ALDH1A2: variants seen among roughly 807,000 people sequenced by gnomAD.
ALDH1A2 encodes the protein aldehyde dehydrogenase 1 family member A2.
In ALDH1A2, 27 loss-of-function variants were observed where a neutral mutation model predicts 60.3. That is an observed-to-expected ratio of 0.45 (90% CI 0.33 to 0.62). ALDH1A2 has a LOEUF of 0.62. Among genes scored for constraint, ALDH1A2 ranks in the 20% least tolerant of loss-of-function variants. The probability of loss-of-function intolerance (pLI) is 0.02; values close to 1 mark genes in which losing one functional copy is unlikely to be tolerated. For synonymous variants in ALDH1A2, 289 were observed against 232.4 expected (o/e 1.24, Z -2.21); for missense variants, 581 against 643.8 (o/e 0.90, Z 1.06).
intron 9 of ALDH1A2, among the ~76,000 whole-genome samples, chr15:57,963,347 CTTTTTTT>C (rs67005556): frequency 1.5e-5 from 2 of 137,538 alleles, no homozygotes; most frequent in East Asian, 4.2e-4. Flanking sequence ...TCAGAATATT[CTTTTTTT>C]TTTTTTTTTG....
chr15:57,962,188 A>G lies in ALDH1A2; in HGVS notation c.1087-12T>C, dbSNP rs765170691. The G allele has an allele frequency of 4.3e-6, 7 of 1,613,628 alleles. No individual in the cohort carries two copies. In the East Asian group the frequency reaches 1.3e-4, roughly 31 times the overall value. On this transcript the variant is annotated splice_polypyrimidine_tract_variant and intron_variant, in intron 9 of 12. Transcript: ENST00000249750. ...TGTTTCTTATCAATCTGTGGGAGAC[A>G]AGACTTAATGACTCCAAATATAACC... is the stretch of plus-strand genomic sequence containing the variant.
At position 58,034,760 on chromosome 15, in the gene ALDH1A2, A is replaced by T. The variant is rs143757377; in HGVS notation, c.118-20479T>A. Among the ~76,000 whole-genome samples the T allele has an allele frequency of 2.6e-3, 401 of 151,784 alleles. 4 individuals are homozygous for T. Among genetic ancestry groups the T allele is most frequent in the Non-Finnish European group, 1.8e-3 (124 of 67,722 alleles). On this transcript the variant is annotated intron_variant, in intron 1 of 12. Transcript: ENST00000249750. ...TTTTTTCTTTGTCAGCCCATTGATA[A>T]GACAGACTACATTAATTGAATTTTG...
chr15:57,999,900 C>A (rs1895202549), intron 4 of ALDH1A2, among the ~76,000 whole-genome samples: 1 of 152,002 alleles, frequency 6.6e-6, no homozygotes, highest in African/African-American at 2.4e-5. Flanking sequence ...GGAATGGGAT[C>A]ATGACCTTTG....
chr15:58,036,310 A>G (rs1197468736), intron 1 of ALDH1A2, among the ~76,000 whole-genome samples: 4 of 151,712 alleles, frequency 2.6e-5, no homozygotes, highest in African/African-American at 7.2e-5. Context: ...ATACACACAA[A>G]CACATATTCA....
At chr15:58,032,611 G>A (rs1170954665) in intron 1 of ALDH1A2, among the ~76,000 whole-genome samples, 6 of 152,164 alleles carry the variant, frequency 3.9e-5, no homozygotes, top group African/African-American at 1.2e-4. Flanking sequence ...ATGGAAAACA[G>A]TGTATGTGGA....
Position 58,010,841 on chromosome 15 carries a change from T to C in ALDH1A2, c.364-63A>G, listed in dbSNP as rs34525130. 1,485 of 1,593,012 alleles carry C rather than the reference T, an allele frequency of 9.3e-4. 11 individuals are homozygous for C. In the African/African-American group the frequency reaches 0.018, roughly 19 times the overall value. On this transcript the variant is annotated intron_variant, in intron 3 of 12. Transcript: ENST00000249750. ...AACTTTCCAGCGATACACTAATTTCTAGAGCAGAAGAAAAAAGGAAGAGAG... is the reference window on the plus strand; with the variant it reads ...AACTTTCCAGCGATACACTAATTTCCAGAGCAGAAGAAAAAAGGAAGAGAG...
intron 1 of ALDH1A2, among the ~76,000 whole-genome samples, chr15:58,060,643 G>C (rs551871303): frequency 2.0e-5 from 3 of 152,046 alleles, no homozygotes; most frequent in Admixed American, 2.0e-4. Flanking sequence ...GGAAGGGCAT[G>C]CAAGTTTTTT....
intron 12 of ALDH1A2, 36 bp from the exon 13 acceptor site, chr15:57,955,305 A>C (rs781155084): frequency 6.2e-7 from 1 of 1,610,974 alleles, no homozygotes; most frequent in African/African-American, 1.3e-5. Context: ...AGATACCAGA[A>C]GTCCAGGGAG....
At chr15:58,011,862 T>G (rs1895643597) in intron 3 of ALDH1A2, among the ~76,000 whole-genome samples, 1 of 151,536 alleles carries the variant, frequency 6.6e-6, no homozygotes, top group Non-Finnish European at 1.5e-5. Flanking sequence ...TCTATACAGC[T>G]AGCATAGCAC....
chr15:57,980,329 G>C, intron 7 of ALDH1A2: 1 of 431,696 alleles, frequency 2.3e-6, no homozygotes, highest in South Asian at 2.0e-5. Context: ...TGTTGGCCTT[G>C]AACAGGTCCA....
Position 57,958,214 on chromosome 15 carries a change from G to GCACACACACACGCACGCACACA in ALDH1A2, c.1484+2555_1484+2556insTGTGTGCGTGCGTGTGTGTGTG, listed in dbSNP as rs1555398332. Reference sequence around the variant, plus strand: ...TCTGTATGCATGCGTGTACACGCACGCACACACACACATAAATTTGACAAG... The same window carrying GCACACACACACGCACGCACACA: ...TCTGTATGCATGCGTGTACACGCACGCACACACACACGCACGCACACACACACACACACATAAATTTGACAAG... On this transcript the variant is annotated intron_variant, in intron 12 of 12. Transcript: ENST00000249750. 9.2e-3 allele frequency among the ~76,000 whole-genome samples: 1,396 copies of GCACACACACACGCACGCACACA among 151,812 alleles called. 19 individuals carry two copies. Among genetic ancestry groups the GCACACACACACGCACGCACACA allele is most frequent in the African/African-American group, 0.031 (1,303 of 41,432 alleles).
At chr15:57,981,059 G>GA (rs1399214963) in intron 7 of ALDH1A2, among the ~76,000 whole-genome samples, 1 of 152,110 alleles carries the variant, frequency 6.6e-6, no homozygotes, top group East Asian at 1.9e-4. Context: ...GATCCGTGGT[G>GA]ATAACCCCTT....
chr15:57,959,305 C>G (rs1276646063), intron 12 of ALDH1A2, among the ~76,000 whole-genome samples: 1 of 152,120 alleles, frequency 6.6e-6, no homozygotes, highest in Non-Finnish European at 1.5e-5. Context: ...CGGAATGCAT[C>G]TTGAAAAGTG....
At chr15:58,045,445 G>T (rs1016198781) in intron 1 of ALDH1A2, among the ~76,000 whole-genome samples, 6 of 152,040 alleles carry the variant, frequency 3.9e-5, no homozygotes, top group Admixed American at 2.0e-4. Flanking sequence ...ACACGCACAC[G>T]TATGTTTATT....
intron 1 of ALDH1A2, among the ~76,000 whole-genome samples, chr15:58,035,520 A>T (rs893224155): frequency 1.1e-4 from 17 of 151,626 alleles, no homozygotes; most frequent in African/African-American, 4.1e-4. Context: ...AAAAAAGCTT[A>T]GACTATTTCT....
At chr15:58,054,567 C>T (rs1441783369) in intron 1 of ALDH1A2, among the ~76,000 whole-genome samples, 2 of 152,034 alleles carry the variant, frequency 1.3e-5, no homozygotes, top group East Asian at 1.9e-4. Flanking sequence ...CAAGATGGAA[C>T]ATACCCACCC....
At chr15:57,980,046 G>T (rs1368121616) in intron 7 of ALDH1A2, 1 of 323,184 alleles carries the variant, frequency 3.1e-6, no homozygotes. Flanking sequence ...AGTGGTCCAT[G>T]GGGGGGCAGG....
chr15:58,034,651 T>C (rs936238587), intron 1 of ALDH1A2, among the ~76,000 whole-genome samples: 1 of 151,686 alleles, frequency 6.6e-6, no homozygotes. Flanking sequence ...TTCATAATTT[T>C]TGAGAGTCTT....
chr15:58,012,404 C>T (rs879531192), intron 3 of ALDH1A2, among the ~76,000 whole-genome samples: 12 of 152,150 alleles, frequency 7.9e-5, no homozygotes, highest in Non-Finnish European at 1.3e-4. Context: ...AAATGATAAT[C>T]CAGTGAAAAG....
Sources: gnomAD v4.1 joint callset for allele counts (sites outside exome capture counted in the v4.1 genomes callset) on GRCh38, gnomAD v4.1.1 for gene constraint, MANE v1.5 for transcripts, NCBI Gene and HGNC (gene_info 2026-07-23, HGNC 2026-07-21) for gene names.